Variants in TGFBR1 observed in about 807,000 individuals in gnomAD.
TGFBR1 encodes transforming growth factor beta receptor 1.
A neutral mutation model predicts 55.1 loss-of-function variants in TGFBR1; 20 were observed. The observed-to-expected ratio is 0.36, with a 90% CI of 0.26 to 0.53. The LOEUF is 0.53. Among genes scored for constraint, TGFBR1 ranks in the 20% least tolerant of loss-of-function variants. The probability of loss-of-function intolerance (pLI) is 0.91; values close to 1 mark genes in which losing one functional copy is unlikely to be tolerated. For synonymous variants in TGFBR1, 220 were observed against 214.8 expected (o/e 1.02, Z -0.21); for missense variants, 385 against 617.6 (o/e 0.62, Z 3.99).
rs202041245 is a variant in TGFBR1, at chr9:99,149,330, C to T, written c.*25C>T. On this transcript the variant is annotated 3_prime_UTR_variant, in exon 9 of 9. Transcript: ENST00000374994. ...ATTCTACAGCTTTGCCTGAACTCTCCTTTTTTCTTCAGATCTGCTCCTGGG... is the reference window on the plus strand; with the variant it reads ...ATTCTACAGCTTTGCCTGAACTCTCTTTTTTTCTTCAGATCTGCTCCTGGG... 26 of 1,612,974 alleles carry T rather than the reference C, an allele frequency of 1.6e-5. No individual in the cohort carries two copies. In the East Asian group the frequency reaches 5.4e-4, roughly 33 times the overall value.
At position 99,150,956 on chromosome 9, in the gene TGFBR1, C is replaced by A; in HGVS notation, c.*1651C>A. On this transcript the variant is annotated 3_prime_UTR_variant, in exon 9 of 9. Transcript: ENST00000374994. ...TTATTCTGAGGGGAGAAAAAACTAT[C>A]ATAGCTCTGAGGCAAGACTTCGACT... The A allele has an allele frequency of 4.4e-6, 1 of 226,260 alleles. No homozygotes were observed. Among genetic ancestry groups the A allele is most frequent in the Non-Finnish European group, 8.8e-6 (1 of 113,352 alleles). The allele number at this position is 226,260 out of a possible 1,614,324, so 14.0% of individuals were successfully genotyped here.
chr9:99,116,104 G>A (rs921515513), intron 1 of TGFBR1, among the ~76,000 whole-genome samples: 1 of 149,856 alleles, frequency 6.7e-6, no homozygotes, highest in African/African-American at 2.5e-5. Flanking sequence ...TTCGATGCAT[G>A]TATAAACTTG....
chr9:99,152,118 C>A lies in TGFBR1; in HGVS notation c.*2813C>A, dbSNP rs1028158012. ...GACGCAGAGACCGTTGCCTCCCCCACAGCCGTTTGACTGAAGGCTGCTCTG... is the reference window on the plus strand; with the variant it reads ...GACGCAGAGACCGTTGCCTCCCCCAAAGCCGTTTGACTGAAGGCTGCTCTG... On this transcript the variant is annotated 3_prime_UTR_variant, in exon 9 of 9. Coordinates refer to ENST00000374994, the MANE Select transcript of TGFBR1 (RefSeq NM_004612.4). 2 of 207,526 alleles carry A rather than the reference C, an allele frequency of 9.6e-6. No individual in the cohort carries two copies. The highest frequency in any genetic ancestry group is 4.6e-5 in the African/African-American group (2 of 43,934). 12.9% of individuals were successfully genotyped at this position (207,526 alleles called of 1,614,324 possible).
chr9:99,147,659 C>T lies in TGFBR1; in HGVS notation c.1261C>T (p.His421Tyr), dbSNP rs1827839625. The change falls in exon 8 of 9, where the codon CAT (histidine) becomes TAT (tyrosine). Residue 421 changes from histidine to tyrosine, a missense_variant. By Grantham distance (83) the His-to-Tyr change is moderately conservative. Coordinates refer to ENST00000374994, the MANE Select transcript of TGFBR1 (RefSeq NM_004612.4). Reference protein sequence around the residue: ...IARRCSIGGIHEDYQLPYYDL... With the variant: ...IARRCSIGGIYEDYQLPYYDL... Reference sequence around the variant, plus strand: ...TTTTTTTTAAACTGATACAGGAATTCATGAAGATTACCAACTGCCTTATTA... The same window carrying T: ...TTTTTTTTAAACTGATACAGGAATTTATGAAGATTACCAACTGCCTTATTA... 1 of 1,612,912 alleles carries T rather than the reference C, an allele frequency of 6.2e-7. No individual in the cohort carries two copies. The highest frequency in any genetic ancestry group is 8.5e-7 in the Non-Finnish European group (1 of 1,179,466).
At chr9:99,106,142 CT>C (rs1826408527) in intron 1 of TGFBR1, among the ~76,000 whole-genome samples, 1 of 152,202 alleles carries the variant, frequency 6.6e-6, no homozygotes, top group African/African-American at 2.4e-5. Context: ...TGATTAAACG[CT>C]TTTTATTTCC....
At chr9:99,122,826 TAA>T (rs1044934900) in intron 1 of TGFBR1, among the ~76,000 whole-genome samples, 2 of 152,106 alleles carry the variant, frequency 1.3e-5, no homozygotes, top group African/African-American at 4.8e-5. Context: ...TCAAGACAAA[TAA>T]TTACAGTGAT....
At chr9:99,139,237 G>A (rs1309944794) in intron 4 of TGFBR1, among the ~76,000 whole-genome samples, 3 of 150,098 alleles carry the variant, frequency 2.0e-5, no homozygotes, top group African/African-American at 7.3e-5. Flanking sequence ...TCTTAGCTTG[G>A]CCAGACCTGT....
intron 1 of TGFBR1, among the ~76,000 whole-genome samples, chr9:99,111,566 T>C (rs1486699256): frequency 6.6e-6 from 1 of 151,942 alleles, no homozygotes; most frequent in Non-Finnish European, 1.5e-5. Flanking sequence ...GAGGTGGAGT[T>C]TGCAGTGAGC....
At chr9:99,132,802 A>G in intron 3 of TGFBR1, 63 bp downstream of exon 3, 1 of 1,599,876 alleles carries the variant, frequency 6.3e-7, no homozygotes, top group Middle Eastern at 1.7e-4. Flanking sequence ...TACTTATTTT[A>G]TTAGTTTTCT....
intron 5 of TGFBR1, 40 bp from the exon 6 acceptor site, chr9:99,144,692 T>C: frequency 6.2e-7 from 1 of 1,612,256 alleles, no homozygotes; most frequent in Non-Finnish European, 8.5e-7. Flanking sequence ...GTGATTGGTA[T>C]TACCTTTTAA....
Position 99,110,756 on chromosome 9 carries a change from T to G in TGFBR1, c.97+5454T>G, listed in dbSNP as rs1826542663. 5.9e-5 allele frequency among the ~76,000 whole-genome samples: 9 copies of G among 152,364 alleles called. No homozygotes were observed. The South Asian group carries it at 1.7e-3, about 28-fold the overall frequency. On this transcript the variant is annotated intron_variant, in intron 1 of 8. Transcript: ENST00000374994. ...AGAATTGACACAATTTTGCTCAGAT[T>G]GGAACCTAGTTCATATCTATGAAAG...
chr9:99,109,442 G>C (rs1487939543), intron 1 of TGFBR1, among the ~76,000 whole-genome samples: 1 of 152,210 alleles, frequency 6.6e-6, no homozygotes, highest in Non-Finnish European at 1.5e-5. Context: ...GATAAATCTT[G>C]TTCCTGTGAG....
chr9:99,111,126 G>A lies in TGFBR1; in HGVS notation c.97+5824G>A, dbSNP rs538192183. Among the ~76,000 whole-genome samples, 3 of 152,088 alleles carry A rather than the reference G, an allele frequency of 2.0e-5. No homozygotes were observed. In the East Asian group the frequency reaches 5.8e-4, roughly 29 times the overall value. Reference sequence around the variant, plus strand: ...TTTAGGTAATTTGAATCTTCCTGACGAGTCCAGTGATAGTTGATCACTTAC... The same window carrying A: ...TTTAGGTAATTTGAATCTTCCTGACAAGTCCAGTGATAGTTGATCACTTAC... On this transcript the variant is annotated intron_variant, in intron 1 of 8. Coordinates refer to ENST00000374994, the MANE Select transcript of TGFBR1 (RefSeq NM_004612.4).
Position 99,152,594 on chromosome 9 carries a change from C to T in TGFBR1, c.*3289C>T, listed in dbSNP as rs932443672. On this transcript the variant is annotated 3_prime_UTR_variant, in exon 9 of 9. Transcript: ENST00000374994. ...GATTAAAACAAGATGGCAAAGAGAT[C>T]GTTAGAGTGCACAACAAAATCACTA... 5 of 228,360 alleles carry T rather than the reference C, an allele frequency of 2.2e-5. No individual in the cohort carries two copies. Among genetic ancestry groups the T allele is most frequent in the Middle Eastern group, 1.3e-3 (1 of 758 alleles). The allele number at this position is 228,360 out of a possible 1,614,324, so 14.1% of individuals were successfully genotyped here.
intron 1 of TGFBR1, chr9:99,127,726 A>G: frequency 2.8e-6 from 1 of 356,744 alleles, no homozygotes. Flanking sequence ...CACGTCATAG[A>G]TGGCCATTCC....
intron 1 of TGFBR1, among the ~76,000 whole-genome samples, chr9:99,110,661 C>T (rs1236645295): frequency 2.0e-5 from 3 of 152,212 alleles, no homozygotes; most frequent in Non-Finnish European, 1.5e-5. Flanking sequence ...CAGATGTAGA[C>T]TAACAGTAGT....
intron 4 of TGFBR1, among the ~76,000 whole-genome samples, chr9:99,138,798 T>G (rs1352226757): frequency 6.6e-6 from 1 of 151,750 alleles, no homozygotes; most frequent in Non-Finnish European, 1.5e-5. Context: ...TGCCCATGAT[T>G]CCTACTTTTT....
chr9:99,105,276 CGGCGGCGCT>C lies in TGFBR1; in HGVS notation c.73_81del (p.Ala25_Leu27del), dbSNP rs948905780. ...GTGCTGGCGGCGGCGGCGGCGGCGG[CGGCGGCGCT>C]GCTCCCGGGGGCGACGGGTGAGCGG... On this transcript the variant is annotated inframe_deletion, in exon 1 of 9. Coordinates refer to ENST00000374994, the MANE Select transcript of TGFBR1 (RefSeq NM_004612.4). 2.1e-6 allele frequency: 2 copies of C among 969,008 alleles called. No individual in the cohort carries two copies. Among genetic ancestry groups the C allele is most frequent in the Non-Finnish European group, 2.5e-6 (2 of 811,316 alleles). The allele number at this position is 969,008 out of a possible 1,614,324, so 60.0% of individuals were successfully genotyped here. A position where few individuals can be genotyped will look rare whatever the true frequency, so the allele number is the denominator to read the frequency against.
intron 1 of TGFBR1, 52 bp downstream of exon 1, chr9:99,105,354 G>A (rs1826377856): frequency 1.0e-6 from 1 of 979,088 alleles, no homozygotes; most frequent in Non-Finnish European, 1.2e-6. Context: ...GGCCGGACCC[G>A]GCCTCTGGCT....
Sources: allele counts gnomAD v4.1 joint callset (sites outside exome capture counted in the v4.1 genomes callset), GRCh38; gene constraint gnomAD v4.1.1; transcripts MANE v1.5; gene names NCBI Gene and HGNC (gene_info 2026-07-23, HGNC 2026-07-21).